Variants in NGEF observed in about 807,000 individuals in gnomAD.
NGEF encodes neuronal guanine nucleotide exchange factor.
Under a neutral mutation model 80.9 loss-of-function variants are expected in NGEF, and 31 were observed. That is an observed-to-expected ratio of 0.38 (90% CI 0.29 to 0.52). NGEF has a LOEUF of 0.52. NGEF is among the 20% of genes least tolerant of loss of function. The pLI is 0.84. For missense variants in NGEF, 709 were observed against 926.2 expected (o/e 0.77, Z 3.04); for synonymous variants, 371 against 370.2 (o/e 1.00, Z -0.03).
At chr2:232,889,266 T>C (rs1056674696) in intron 8 of NGEF, among the ~76,000 whole-genome samples, 3 of 152,194 alleles carry the variant, frequency 2.0e-5, no homozygotes, top group Non-Finnish European at 2.9e-5. Context: ...TCTGACCAGG[T>C]GGCATTGGTG....
intron 1 of NGEF, among the ~76,000 whole-genome samples, chr2:232,979,921 A>G (rs952968557): frequency 2.0e-5 from 3 of 151,710 alleles, no homozygotes; most frequent in African/African-American, 7.3e-5. Flanking sequence ...CAACTTCCGC[A>G]TGAGTCAATG....
At position 232,879,066 on chromosome 2, in the gene NGEF, T is replaced by G. The variant is rs1574978755; in HGVS notation, c.*423A>C. ...TCTGTGCCTGGTAGATTCTAACTGC[T>G]TCCAAGGTAGAGGAGGACGCGTGCA... On this transcript the variant is annotated 3_prime_UTR_variant, in exon 15 of 15. Transcript: ENST00000264051. The G allele has an allele frequency of 6.3e-6, 1 of 158,018 alleles. No homozygotes were observed. Among genetic ancestry groups the G allele is most frequent in the East Asian group, 1.8e-4 (1 of 5,492 alleles). The allele number at this position is 158,018 out of a possible 1,614,324, so 9.8% of individuals were successfully genotyped here.
At chr2:232,944,628 C>T (rs1000980137) in intron 3 of NGEF, among the ~76,000 whole-genome samples, 8 of 147,074 alleles carry the variant, frequency 5.4e-5, no homozygotes, top group South Asian at 2.1e-4. Flanking sequence ...TATACACACA[C>T]TTCTTTTTTT....
At chr2:233,008,927 A>T (rs1695145943) in intron 1 of NGEF, among the ~76,000 whole-genome samples, 1 of 151,720 alleles carries the variant, frequency 6.6e-6, no homozygotes, top group African/African-American at 2.4e-5. Flanking sequence ...CAGCCTCCCG[A>T]GTAGCTGGGA....
chr2:232,924,327 G>A (rs898987766), intron 4 of NGEF, among the ~76,000 whole-genome samples: 1 of 152,184 alleles, frequency 6.6e-6, no homozygotes. Flanking sequence ...ACCAAAGGAT[G>A]CACCATCTTT....
Position 232,995,015 on chromosome 2 carries a change from ATATGTATACTGTATATATGTACAG to A in NGEF, c.-75+18029_-75+18052del, listed in dbSNP as rs1559239205. Among the ~76,000 whole-genome samples the A allele has an allele frequency of 3.7e-4, 12 of 32,262 alleles. 3 individuals carry two copies. Among genetic ancestry groups the A allele is most frequent in the South Asian group, 3.0e-3 (2 of 658 alleles). The allele number at this position is 32,262 out of a possible 152,430, so 21.2% of individuals were successfully genotyped here. The stretch of plus-strand genomic sequence containing the variant: ...AACTACACATATATGTATAATACAT[ATATGTATACTGTATATATGTACAG>A]TATGTATACTGTATATATGTACAGT... On this transcript the variant is annotated intron_variant, in intron 1 of 14. Transcript: ENST00000264051.
intron 3 of NGEF, among the ~76,000 whole-genome samples, chr2:232,949,936 C>T (rs570752512): frequency 2.0e-5 from 3 of 152,084 alleles, no homozygotes; most frequent in South Asian, 2.1e-4. Flanking sequence ...CTCTGCCTCC[C>T]GAGTAGCTGG....
At chr2:233,011,851 C>T (rs1695214091) in intron 1 of NGEF, among the ~76,000 whole-genome samples, 1 of 152,154 alleles carries the variant, frequency 6.6e-6, no homozygotes, top group African/African-American at 2.4e-5. Context: ...GGATCAACCC[C>T]TGGCTTTCCT....
At chr2:232,898,090 A>G (rs1225438027) in intron 5 of NGEF, among the ~76,000 whole-genome samples, 1 of 152,256 alleles carries the variant, frequency 6.6e-6, no homozygotes. Flanking sequence ...CTTCTCAGCT[A>G]CAGATGCTGT....
chr2:232,995,018 T>A (rs114887216), intron 1 of NGEF, among the ~76,000 whole-genome samples: 2,671 of 96,080 alleles, frequency 0.028, 104 homozygotes, highest in Non-Finnish European at 0.042. Flanking sequence ...AATACATATA[T>A]GTATACTGTA....
chr2:232,883,265 A>G, intron 12 of NGEF, 46 bp downstream of exon 12: 3 of 1,540,658 alleles, frequency 1.9e-6, no homozygotes, highest in South Asian at 1.2e-5. Context: ...GGCCACACAG[A>G]AAGGTGCCAC....
At chr2:232,894,333 C>A (rs1416307034) in intron 6 of NGEF, among the ~76,000 whole-genome samples, 1 of 152,200 alleles carries the variant, frequency 6.6e-6, no homozygotes, top group Non-Finnish European at 1.5e-5. Flanking sequence ...GGCCTGAGGC[C>A]CTGCATGCGC....
At chr2:232,976,197 T>C (rs1694289859) in intron 1 of NGEF, among the ~76,000 whole-genome samples, 2 of 152,050 alleles carry the variant, frequency 1.3e-5, no homozygotes, top group African/African-American at 4.8e-5. Flanking sequence ...CCAGACTCCA[T>C]CTCAAAAAAA....
intron 13 of NGEF, 66 bp downstream of exon 13, chr2:232,882,120 C>T (rs971596777): frequency 1.4e-6 from 2 of 1,426,412 alleles, no homozygotes; most frequent in Middle Eastern, 1.7e-4. Flanking sequence ...GCACACCGTG[C>T]ACCTGCGGCA....
chr2:232,998,994 G>C (rs760495757), intron 1 of NGEF, among the ~76,000 whole-genome samples: 1 of 152,200 alleles, frequency 6.6e-6, no homozygotes, highest in Non-Finnish European at 1.5e-5. Flanking sequence ...CTCTGGTCAT[G>C]AGACAGACAG....
At chr2:232,934,993 G>A (rs946377231) in intron 3 of NGEF, among the ~76,000 whole-genome samples, 2 of 150,870 alleles carry the variant, frequency 1.3e-5, no homozygotes, top group African/African-American at 4.9e-5. Context: ...GGGCAACAGA[G>A]TGAGACTCTG....
chr2:232,926,338 A>ATT (rs3038717), intron 4 of NGEF, among the ~76,000 whole-genome samples: 22 of 149,004 alleles, frequency 1.5e-4, no homozygotes, highest in African/African-American at 5.5e-4. Flanking sequence ...GTCACTAGCG[A>ATT]TTTTTTTTTT....
In NGEF at chr2:232,927,161, C is replaced by T. The variant is rs1437465485; in HGVS notation, c.409G>A (p.Gly137Arg). 1 of 1,600,026 alleles carries T rather than the reference C, an allele frequency of 6.2e-7. No homozygotes were observed. Among genetic ancestry groups the T allele is most frequent in the Non-Finnish European group, 8.5e-7 (1 of 1,174,446 alleles). The change falls in exon 4 of 15, where the codon GGG becomes AGG. Residue 137 changes from glycine to arginine, a missense_variant. By Grantham distance (125) the Gly-to-Arg change is moderately radical (BLOSUM62 -2). This residue lies in a region of NGEF where 283 missense variants were observed against 303.4 expected (regional missense o/e 0.93). Transcript: ENST00000264051. ...GCCGGCCACTCCTCGGGCGTGGCCC[C>T]ATTTCCCGGGGTGGAGGACGACTCA... ...MSESSSTPGN[G>R]ATPEEWPALA...
chr2:232,953,747 G>A (rs903294863), intron 3 of NGEF, among the ~76,000 whole-genome samples: 11 of 152,070 alleles, frequency 7.2e-5, no homozygotes, highest in Admixed American at 2.0e-4. Flanking sequence ...CAGGAGGAAC[G>A]CAGAGGGGCC....
Sources: gnomAD v4.1 joint callset for allele counts (sites outside exome capture counted in the v4.1 genomes callset) on GRCh38, gnomAD v4.1.1 for gene constraint, gnomAD v4.1.1 regional missense constraint, MANE v1.5 for transcripts, NCBI Gene and HGNC (gene_info 2026-07-23, HGNC 2026-07-21) for gene names.